HS3ST4: variants seen among roughly 807,000 people sequenced by gnomAD.
The protein encoded by HS3ST4 is heparan sulfate-glucosamine 3-sulfotransferase 4, also known as heparan sulfate glucosamine 3-O-sulfotransferase 4.
HS3ST4 carries 17 observed loss-of-function variants against 29.2 expected under a neutral mutation model. The observed-to-expected ratio is 0.58, with a 90% confidence interval of 0.40 to 0.87. HS3ST4 has a LOEUF of 0.87. Among genes scored for constraint, HS3ST4 ranks in the 40% least tolerant of loss-of-function variants. The pLI is 0.00. For synonymous variants in HS3ST4, 314 were observed against 285.7 expected, an observed-to-expected ratio of 1.10 and a Z score of -1.00; for missense variants, 627 against 634.5, an observed-to-expected ratio of 0.99 and a Z score of 0.13.
At chr16:26,131,815 C>T (rs112638138) in intron 1 of HS3ST4, among the ~76,000 whole-genome samples, 2 of 152,144 alleles carry the variant, frequency 1.3e-5, no homozygotes, top group African/African-American at 2.4e-5. Context: ...TAGGACTGGC[C>T]TACACTTAGG....
At chr16:26,090,133 A>G (rs571027308) in intron 1 of HS3ST4, among the ~76,000 whole-genome samples, 1 of 152,268 alleles carries the variant, frequency 6.6e-6, no homozygotes, top group South Asian at 2.1e-4. Flanking sequence ...TAATTTTCAC[A>G]ACTATATTGT....
At chr16:25,962,465 A>G (rs1968805172) in intron 1 of HS3ST4, among the ~76,000 whole-genome samples, 1 of 152,194 alleles carries the variant, frequency 6.6e-6, no homozygotes. Context: ...TGGCATAATG[A>G]CTACATTTTA....
chr16:25,991,881 C>T (rs1289897057), intron 1 of HS3ST4, among the ~76,000 whole-genome samples: 1 of 151,742 alleles, frequency 6.6e-6, no homozygotes, highest in African/African-American at 2.4e-5. Context: ...ATTAGCCGGG[C>T]GTGGTGGTGG....
At chr16:26,039,023 C>T (rs922241415) in intron 1 of HS3ST4, among the ~76,000 whole-genome samples, 9 of 152,116 alleles carry the variant, frequency 5.9e-5, no homozygotes, top group Non-Finnish European at 1.3e-4. Context: ...TGCCTGATCT[C>T]GGTGACATCA....
chr16:25,995,837 T>C (rs904062189), intron 1 of HS3ST4, among the ~76,000 whole-genome samples: 1 of 152,188 alleles, frequency 6.6e-6, no homozygotes, highest in Non-Finnish European at 1.5e-5. Flanking sequence ...GAAAATACTT[T>C]GCACATAGTA....
intron 1 of HS3ST4, among the ~76,000 whole-genome samples, chr16:26,106,054 C>T (rs190808330): frequency 3.3e-5 from 5 of 152,220 alleles, no homozygotes; most frequent in Admixed American, 3.3e-4. Flanking sequence ...ACAGTGAAAC[C>T]TGACTTGTTC....
At chr16:26,082,342 T>C (rs1226829654) in intron 1 of HS3ST4, among the ~76,000 whole-genome samples, 1 of 152,224 alleles carries the variant, frequency 6.6e-6, no homozygotes, top group Admixed American at 6.5e-5. Flanking sequence ...TTACCCTCTG[T>C]TTCTTTAACC....
At chr16:25,909,309 C>T (rs1968212520) in intron 1 of HS3ST4, among the ~76,000 whole-genome samples, 1 of 152,176 alleles carries the variant, frequency 6.6e-6, no homozygotes, top group Non-Finnish European at 1.5e-5. Flanking sequence ...CTTCCTCAGC[C>T]TCCCGAGTAG....
At chr16:26,090,259 C>T (rs1898840276) in intron 1 of HS3ST4, among the ~76,000 whole-genome samples, 1 of 148,104 alleles carries the variant, frequency 6.8e-6, no homozygotes, top group Admixed American at 7.4e-5. Context: ...CCTGCAGTCC[C>T]AGTGTTCTCC....
chr16:25,904,309 A>AT (rs1968158988), intron 1 of HS3ST4, among the ~76,000 whole-genome samples: 1 of 152,236 alleles, frequency 6.6e-6, no homozygotes, highest in Non-Finnish European at 1.5e-5. Context: ...TGTCTTAGTG[A>AT]TAAATATAAG....
chr16:25,952,739 T>C (rs1421584498), intron 1 of HS3ST4, among the ~76,000 whole-genome samples: 1 of 152,210 alleles, frequency 6.6e-6, no homozygotes, highest in Non-Finnish European at 1.5e-5. Context: ...AAAGCCTTAG[T>C]TTCTTCATCT....
chr16:25,903,164 A>G (rs1265410426), intron 1 of HS3ST4, among the ~76,000 whole-genome samples: 1 of 151,760 alleles, frequency 6.6e-6, no homozygotes, highest in Admixed American at 6.6e-5. Context: ...TTGCACTGTG[A>G]CATTAGACCT....
intron 1 of HS3ST4, among the ~76,000 whole-genome samples, chr16:26,082,983 G>T (rs7206378): frequency 0.6 from 91,351 of 152,118 alleles, 28,156 homozygotes; most frequent in African/African-American, 0.71. Context: ...GAATGGGATG[G>T]GATAAGCATT....
intron 1 of HS3ST4, among the ~76,000 whole-genome samples, chr16:26,120,769 AC>A (rs1288146065): frequency 1.3e-5 from 2 of 152,228 alleles, no homozygotes; most frequent in Non-Finnish European, 2.9e-5. Context: ...TGTCTTGCTG[AC>A]CAGGTTTCTT....
chr16:26,125,615 G>A (rs548418436), intron 1 of HS3ST4, among the ~76,000 whole-genome samples: 12 of 152,194 alleles, frequency 7.9e-5, no homozygotes, highest in African/African-American at 2.9e-4. Flanking sequence ...CTCTCTTCAC[G>A]TTATACCCAG....
At chr16:25,880,366 A>G (rs962179042) in intron 1 of HS3ST4, among the ~76,000 whole-genome samples, 2 of 152,156 alleles carry the variant, frequency 1.3e-5, no homozygotes, top group African/African-American at 4.8e-5. Flanking sequence ...TATTTGTTGA[A>G]TGAACTCAGA....
At chr16:25,830,910 G>A (rs1235215593) in intron 1 of HS3ST4, among the ~76,000 whole-genome samples, 1 of 152,066 alleles carries the variant, frequency 6.6e-6, no homozygotes, top group Non-Finnish European at 1.5e-5. Context: ...CCTTGTGTAA[G>A]CACCCAGTGG....
At chr16:26,059,396 A>G (rs990154142) in intron 1 of HS3ST4, among the ~76,000 whole-genome samples, 1 of 152,174 alleles carries the variant, frequency 6.6e-6, no homozygotes, top group Admixed American at 6.5e-5. Flanking sequence ...ACCAAGCCAG[A>G]AAAGGCAAAA....
chr16:26,048,257 G>A (rs966123873), intron 1 of HS3ST4, among the ~76,000 whole-genome samples: 5 of 152,144 alleles, frequency 3.3e-5, no homozygotes, highest in South Asian at 2.1e-4. Flanking sequence ...ACAAATGAAC[G>A]TAGGAACAAA....
Sources: allele counts gnomAD v4.1 joint callset (sites outside exome capture counted in the v4.1 genomes callset), GRCh38; gene constraint gnomAD v4.1.1; transcripts MANE v1.5; gene names NCBI Gene and HGNC (gene_info 2026-07-23, HGNC 2026-07-21).